The following UNC13B variants were observed in gnomAD, a reference collection of about 807,000 sequenced individuals.
UNC13B encodes the protein protein unc-13 homolog B.
Under a neutral mutation model 211.0 loss-of-function variants are expected in UNC13B, and 144 were observed. The ratio of observed to expected loss-of-function variants is 0.68; its 90% CI spans 0.60 to 0.78. The LOEUF (loss-of-function observed/expected upper bound fraction) is 0.78. Ranked by LOEUF, UNC13B falls within the 30% of genes least tolerant of loss-of-function variation. The pLI, the probability that UNC13B is intolerant of heterozygous loss-of-function variation, is 0.00. For missense variants in UNC13B, 1,777 were observed against 2,002.0 expected (o/e 0.89, Z 2.14); for synonymous variants, 709 against 725.8 (o/e 0.98, Z 0.37).
At position 35,381,552 on chromosome 9, in the gene UNC13B, G is replaced by A; in HGVS notation, c.10492-4G>A. ...ATTCCCTTTCTCTGCTCTGTCTCCT[G>A]CAGAATCTTTTCCATTACCTCACAG... is the stretch of plus-strand genomic sequence containing the variant. On this transcript the variant is annotated splice_polypyrimidine_tract_variant and splice_region_variant and intron_variant, in intron 19 of 39. Transcript: ENST00000635942. The A allele has an allele frequency of 6.2e-7, 1 of 1,612,524 alleles. No individual in the cohort carries two copies. Among genetic ancestry groups the A allele is most frequent in the African/African-American group, 1.3e-5 (1 of 75,004 alleles).
At position 35,168,588 on chromosome 9, in the gene UNC13B, T is replaced by C. The variant is rs570571618; in HGVS notation, c.22+6283T>C. On this transcript the variant is annotated intron_variant, in intron 1 of 39. Transcript: ENST00000635942. ...CCTTCAGCAGCAGGTAATATTTTTC[T>C]ATGCCTGTTGAAAAGACCAAAGACT... 5.8e-4 allele frequency among the ~76,000 whole-genome samples: 89 copies of C among 152,338 alleles called. No individual in the cohort carries two copies. In the South Asian group the frequency reaches 0.018, roughly 30 times the overall value.
At chr9:35,292,585 C>A (rs1189992956) in intron 7 of UNC13B, among the ~76,000 whole-genome samples, 2 of 152,208 alleles carry the variant, frequency 1.3e-5, no homozygotes, top group Non-Finnish European at 2.9e-5. Flanking sequence ...ACTTTTAATT[C>A]ATAGCACTTG....
At chr9:35,236,617 T>C (rs765854710) in intron 4 of UNC13B, 31 bp downstream of exon 4, 2 of 1,586,888 alleles carry the variant, frequency 1.3e-6, no homozygotes, top group Non-Finnish European at 1.7e-6. Flanking sequence ...TTTGGAAGTA[T>C]GGTTCCCAGC....
chr9:35,322,240 G>A (rs1319401570), intron 11 of UNC13B, among the ~76,000 whole-genome samples: 1 of 152,198 alleles, frequency 6.6e-6, no homozygotes, highest in Non-Finnish European at 1.5e-5. Flanking sequence ...AATGTTGGTA[G>A]TGTGGGTGGG....
chr9:35,179,530 C>T (rs10972372), intron 1 of UNC13B, among the ~76,000 whole-genome samples: 1 of 152,058 alleles, frequency 6.6e-6, no homozygotes, highest in Non-Finnish European at 1.5e-5. Flanking sequence ...GTGGCTCGCT[C>T]CTGTAATCCC....
At chr9:35,200,757 G>A (rs1587357656) in intron 1 of UNC13B, among the ~76,000 whole-genome samples, 1 of 152,246 alleles carries the variant, frequency 6.6e-6, no homozygotes. Flanking sequence ...GGGTTTTCTA[G>A]ATATACAATC....
Position 35,231,961 on chromosome 9 carries a change from G to A in UNC13B, c.152+742G>A, listed in dbSNP as rs117333922. 7.1e-4 allele frequency among the ~76,000 whole-genome samples: 108 copies of A among 151,850 alleles called. No homozygotes were observed. In the East Asian group the frequency reaches 0.013, roughly 19 times the overall value. ...GGCACTAGTTTCCTTATCTGTAAAG[G>A]TCTTCCTTTCTCAGAAGATTATGCT... On this transcript the variant is annotated intron_variant, in intron 3 of 39. Coordinates refer to ENST00000635942, the MANE Select transcript of UNC13B (RefSeq NM_001371189.2).
chr9:35,212,986 C>G (rs946963427), intron 1 of UNC13B, among the ~76,000 whole-genome samples: 1 of 152,212 alleles, frequency 6.6e-6, no homozygotes, highest in African/African-American at 2.4e-5. Flanking sequence ...CCAGGTTTCT[C>G]ACCTGCAAAA....
intron 2 of UNC13B, among the ~76,000 whole-genome samples, chr9:35,228,703 A>AGTGTGTGTGTGTGTGT (rs56971215): frequency 7.1e-6 from 1 of 140,498 alleles, no homozygotes; most frequent in African/African-American, 2.7e-5. Context: ...ACATCATGAA[A>AGTGTGTGTGTGTGTGT]GTGTGTGTGT....
chr9:35,338,364 C>T (rs1269334095), intron 11 of UNC13B, among the ~76,000 whole-genome samples: 2 of 152,090 alleles, frequency 1.3e-5, no homozygotes, highest in Admixed American at 6.5e-5. Context: ...TGCAGCTTGT[C>T]GGGTCTGTTT....
intron 1 of UNC13B, among the ~76,000 whole-genome samples, chr9:35,223,401 A>G (rs1173987080): frequency 1.3e-5 from 2 of 152,180 alleles, no homozygotes; most frequent in Non-Finnish European, 2.9e-5. Flanking sequence ...CTGGGGTGAG[A>G]TGATAGCTCA....
chr9:35,264,250 CATG>C (rs1827446549), intron 7 of UNC13B, among the ~76,000 whole-genome samples: 1 of 152,102 alleles, frequency 6.6e-6, no homozygotes, highest in Non-Finnish European at 1.5e-5. Context: ...TGTAATTAAT[CATG>C]ATCAGAATGT....
At chr9:35,284,417 A>C in intron 7 of UNC13B, among the ~76,000 whole-genome samples, 1 of 152,190 alleles carries the variant, frequency 6.6e-6, no homozygotes, top group Non-Finnish European at 1.5e-5. Context: ...CAATTCATGG[A>C]TATTTTTCTT....
intron 11 of UNC13B, among the ~76,000 whole-genome samples, chr9:35,348,086 A>AAAAAC (rs761540128): frequency 9.9e-5 from 15 of 152,224 alleles, no homozygotes; most frequent in East Asian, 3.9e-4. Flanking sequence ...AAACAAAAAC[A>AAAAAC]AAAACAAAAC....
chr9:35,362,426 G>C (rs1833481364), intron 11 of UNC13B, among the ~76,000 whole-genome samples: 1 of 152,216 alleles, frequency 6.6e-6, no homozygotes, highest in South Asian at 2.1e-4. Context: ...CTGAAGGTTA[G>C]GTATAACTCC....
rs538792254 is a variant in UNC13B at position 35,200,373 on chromosome 9, A to C, written c.23-27642A>C. Among the ~76,000 whole-genome samples, 4 of 152,344 alleles carry C rather than the reference A, an allele frequency of 2.6e-5. No homozygotes were observed. In the South Asian group the frequency reaches 6.2e-4, roughly 24 times the overall value. On this transcript the variant is annotated intron_variant, in intron 1 of 39. Coordinates refer to ENST00000635942, the MANE Select transcript of UNC13B (RefSeq NM_001371189.2). ...AGTAGTTTTTTCCAATTCTGTGAAGAAAGTCATTGGTAGCTTGATGGGGAT... is the reference window on the plus strand; with the variant it reads ...AGTAGTTTTTTCCAATTCTGTGAAGCAAGTCATTGGTAGCTTGATGGGGAT...
intron 6 of UNC13B, among the ~76,000 whole-genome samples, chr9:35,254,462 T>A (rs1190755102): frequency 2.0e-5 from 3 of 152,158 alleles, no homozygotes; most frequent in African/African-American, 7.2e-5. Context: ...TCCACCCTTA[T>A]GACCTAATCA....
chr9:35,397,424 C>T, intron 29 of UNC13B, 114 bp downstream of exon 29: 4 of 1,490,966 alleles, frequency 2.7e-6, no homozygotes, highest in Non-Finnish European at 3.7e-6. Context: ...CTCGTGTGAC[C>T]CCCATTCTCC....
intron 1 of UNC13B, among the ~76,000 whole-genome samples, chr9:35,187,554 G>T (rs1424832312): frequency 1.3e-5 from 2 of 152,158 alleles, no homozygotes; most frequent in African/African-American, 4.8e-5. Flanking sequence ...GGATTGTGTT[G>T]TTTGTATAAT....
Sources: gnomAD v4.1 joint callset for allele counts (sites outside exome capture counted in the v4.1 genomes callset) on GRCh38, gnomAD v4.1.1 for gene constraint, MANE v1.5 for transcripts, NCBI Gene and HGNC (gene_info 2026-07-23, HGNC 2026-07-21) for gene names.